The following PRKCE variants were observed in gnomAD, a reference collection of about 807,000 sequenced individuals.
PRKCE encodes protein kinase C epsilon.
In PRKCE, 16 loss-of-function variants were observed where a neutral mutation model predicts 85.4. The ratio of observed to expected loss-of-function variants is 0.19; its 90% CI spans 0.13 to 0.28. The LOEUF (loss-of-function observed/expected upper bound fraction) is 0.28. PRKCE is among the 10% of genes least tolerant of loss of function. PRKCE has a pLI of 1.00. For synonymous variants in PRKCE, 388 were observed against 371.5 expected (o/e 1.04, Z -0.51); for missense variants, 573 against 975.2 (o/e 0.59, Z 5.49).
chr2:45,656,374 G>A (rs574367585), intron 1 of PRKCE, among the ~76,000 whole-genome samples: 14 of 152,206 alleles, frequency 9.2e-5, no homozygotes, highest in Non-Finnish European at 1.5e-4. Context: ...TTAGAAAACT[G>A]AGGTGAATTC....
intron 10 of PRKCE, among the ~76,000 whole-genome samples, chr2:46,013,960 G>C (rs1363979733): frequency 6.6e-6 from 1 of 152,198 alleles, no homozygotes; most frequent in African/African-American, 2.4e-5. Flanking sequence ...ATTGGCATCA[G>C]TCATGATGAC....
At chr2:45,882,243 T>C (rs930872385) in intron 2 of PRKCE, among the ~76,000 whole-genome samples, 3 of 152,224 alleles carry the variant, frequency 2.0e-5, no homozygotes, top group Non-Finnish European at 4.4e-5. Context: ...ATGTAGAAGC[T>C]GTGAAGTTAC....
intron 8 of PRKCE, among the ~76,000 whole-genome samples, chr2:46,005,596 T>C (rs151136032): frequency 2.0e-5 from 3 of 152,278 alleles, no homozygotes; most frequent in African/African-American, 7.2e-5. Flanking sequence ...AGGGCAAGAC[T>C]GTACCCATGC....
intron 2 of PRKCE, among the ~76,000 whole-genome samples, chr2:45,847,038 C>G (rs1437705575): frequency 6.6e-6 from 1 of 152,174 alleles, no homozygotes; most frequent in Non-Finnish European, 1.5e-5. Flanking sequence ...AAGAACAGAG[C>G]CAGGTACCAA....
chr2:46,108,752 G>A (rs972363587), intron 11 of PRKCE, among the ~76,000 whole-genome samples: 1 of 152,152 alleles, frequency 6.6e-6, no homozygotes, highest in Non-Finnish European at 1.5e-5. Context: ...TGGGTGTGTT[G>A]TATCAAAAAC....
intron 1 of PRKCE, among the ~76,000 whole-genome samples, chr2:45,760,718 A>C (rs1684397261): frequency 6.6e-6 from 1 of 152,192 alleles, no homozygotes; most frequent in African/African-American, 2.4e-5. Context: ...GTGGACATTC[A>C]GAGGGGAAAG....
intron 3 of PRKCE, among the ~76,000 whole-genome samples, chr2:45,977,592 G>A (rs953406472): frequency 6.6e-6 from 1 of 151,422 alleles, no homozygotes; most frequent in African/African-American, 2.4e-5. Flanking sequence ...AGCCGAGATC[G>A]CTATACTATA....
chr2:45,754,617 T>C (rs936056100), intron 1 of PRKCE, among the ~76,000 whole-genome samples: 19 of 152,200 alleles, frequency 1.2e-4, no homozygotes, highest in Non-Finnish European at 2.6e-4. Context: ...AAATAAATAT[T>C]GATATGCTGT....
chr2:45,652,515 T>A lies in PRKCE; in HGVS notation c.348+67T>A. 2.8e-6 allele frequency: 4 copies of A among 1,422,478 alleles called. No homozygotes were observed. The South Asian group carries it at 5.3e-5, about 19-fold the overall frequency. 88.1% of individuals were successfully genotyped at this position (1,422,478 alleles called of 1,614,324 possible). A position where few individuals can be genotyped will look rare whatever the true frequency, so the allele number is the denominator to read the frequency against. ...GGGGTCCCGGGGAAAGACTCGCTGG[T>A]CTTGATCGTAGGGCTCCGGGACTTA... On this transcript the variant is annotated intron_variant, in intron 1 of 14. Transcript: ENST00000306156. This position sits in a 1 kb window ranked among gnomAD's most constrained non-coding sequence, Gnocchi z 7.7.
chr2:45,989,061 C>T (rs1015965496), intron 6 of PRKCE, among the ~76,000 whole-genome samples: 6 of 152,194 alleles, frequency 3.9e-5, no homozygotes, highest in East Asian at 1.9e-4. Context: ...CTGAAGTCAT[C>T]GGGCACCAAG....
chr2:45,821,977 G>T (rs1193099751), intron 1 of PRKCE, among the ~76,000 whole-genome samples: 1 of 152,158 alleles, frequency 6.6e-6, no homozygotes, highest in South Asian at 2.1e-4. Context: ...AAGGGCTTGA[G>T]GGGGCTTAGT....
In PRKCE at chr2:45,712,554, C is replaced by T. The variant is rs537634725; in HGVS notation, c.348+60106C>T. Among the ~76,000 whole-genome samples the T allele has an allele frequency of 2.0e-5, 3 of 152,300 alleles. No homozygotes were observed. In the East Asian group the frequency reaches 5.8e-4, roughly 29 times the overall value. On this transcript the variant is annotated intron_variant, in intron 1 of 14. Transcript: ENST00000306156. Reference sequence around the variant, plus strand: ...CTGTTGGTGGCCTCCAGGAACGTCTCTCCTCCTTGGCAAGGCCCATGAAGC... The same window carrying T: ...CTGTTGGTGGCCTCCAGGAACGTCTTTCCTCCTTGGCAAGGCCCATGAAGC...
chr2:45,825,475 A>G (rs924072379), intron 1 of PRKCE, among the ~76,000 whole-genome samples: 5 of 152,252 alleles, frequency 3.3e-5, no homozygotes, highest in Non-Finnish European at 7.3e-5. Flanking sequence ...AACTTGAAAC[A>G]TTAGTTCAGT....
intron 1 of PRKCE, among the ~76,000 whole-genome samples, chr2:45,707,018 C>G (rs1297098783): frequency 6.6e-6 from 1 of 152,192 alleles, no homozygotes; most frequent in Non-Finnish European, 1.5e-5. Context: ...GGGGAACTAG[C>G]TCTCTCCCCA....
At chr2:45,949,402 G>GTTTTTTTTTTTTTTTGTTT (rs1700461294) in intron 2 of PRKCE, among the ~76,000 whole-genome samples, 3 of 118,746 alleles carry the variant, frequency 2.5e-5, no homozygotes, top group Non-Finnish European at 5.2e-5. Flanking sequence ...TATTTTGCTT[G>GTTTTTTTTTTTTTTTGTTT]TTTTTTTTTT....
intron 14 of PRKCE, among the ~76,000 whole-genome samples, chr2:46,171,750 G>A (rs1030676099): frequency 3.2e-4 from 48 of 152,280 alleles, no homozygotes; most frequent in Admixed American, 3.1e-3. Flanking sequence ...GTCTCCATCT[G>A]CAGCTTTGTT....
At chr2:45,685,782 G>A (rs1056039626) in intron 1 of PRKCE, among the ~76,000 whole-genome samples, 2 of 152,184 alleles carry the variant, frequency 1.3e-5, no homozygotes. Flanking sequence ...GGACTGGGTA[G>A]TATTTGGATA....
chr2:46,083,074 C>T (rs1008730622), intron 10 of PRKCE, among the ~76,000 whole-genome samples: 2 of 152,204 alleles, frequency 1.3e-5, no homozygotes, highest in African/African-American at 4.8e-5. Context: ...GCCTCAGCCT[C>T]CTGAGTAGCT....
At chr2:45,840,766 T>G (rs1691281839) in intron 1 of PRKCE, among the ~76,000 whole-genome samples, 2 of 152,306 alleles carry the variant, frequency 1.3e-5, no homozygotes, top group South Asian at 4.1e-4. Flanking sequence ...CAGGAGTGAC[T>G]CTGGGAGCCT....
Sources: gnomAD v4.1 joint callset for allele counts (sites outside exome capture counted in the v4.1 genomes callset) on GRCh38, gnomAD v4.1.1 for gene constraint, Gnocchi (gnomAD v3.1) non-coding constraint, MANE v1.5 for transcripts, NCBI Gene and HGNC (gene_info 2026-07-23, HGNC 2026-07-21) for gene names.